The following DOCK2 variants were observed in gnomAD, a reference collection of about 807,000 sequenced individuals.
DOCK2 encodes dedicator of cytokinesis protein 2.
In DOCK2, 87 loss-of-function variants were observed where a neutral mutation model predicts 248.9. The ratio of observed to expected loss-of-function variants is 0.35; its 90% CI spans 0.29 to 0.42. The LOEUF (loss-of-function observed/expected upper bound fraction) is 0.42, where lower values mean the gene tolerates loss of function less well. Among genes scored for constraint, DOCK2 ranks in the 10% least tolerant of loss-of-function variants. DOCK2 has a pLI of 1.00. For missense variants in DOCK2, 1,747 were observed against 2,300.2 expected, an observed-to-expected ratio of 0.76 and a Z score of 4.92; for synonymous variants, 805 against 821.6, an observed-to-expected ratio of 0.98 and a Z score of 0.35.
At chr5:169,798,407 A>G (rs1766780842) in intron 25 of DOCK2, among the ~76,000 whole-genome samples, 1 of 152,316 alleles carries the variant, frequency 6.6e-6, no homozygotes, top group Non-Finnish European at 1.5e-5. Context: ...GCTTAGTTCA[A>G]TTTTAAGTGG....
chr5:169,975,176 A>G (rs1438052743), intron 27 of DOCK2, among the ~76,000 whole-genome samples: 1 of 152,206 alleles, frequency 6.6e-6, no homozygotes. Flanking sequence ...GAAGAGTGAC[A>G]ACCATCAGGA....
chr5:169,925,578 T>TAAAAAAAAAAAAAAAAAAA (rs1561828965), intron 27 of DOCK2, among the ~76,000 whole-genome samples: 1 of 32,324 alleles, frequency 3.1e-5, no homozygotes, highest in African/African-American at 1.3e-4. Context: ...AGACTCTGTC[T>TAAAAAAAAAAAAAAAAAAA]TAAAAAAAAA....
intron 27 of DOCK2, among the ~76,000 whole-genome samples, chr5:169,946,224 G>A (rs1776442338): frequency 6.6e-6 from 1 of 152,324 alleles, no homozygotes; most frequent in African/African-American, 2.4e-5. Context: ...CAGCCCTGTA[G>A]GATTATTCTG....
chr5:169,883,116 G>A (rs1407824272), intron 27 of DOCK2: 2 of 1,551,476 alleles, frequency 1.3e-6, no homozygotes, highest in African/African-American at 2.7e-5. Context: ...CAACGCTGGT[G>A]GCATTTAAGC....
At chr5:169,726,526 C>G (rs1195293425) in intron 22 of DOCK2, among the ~76,000 whole-genome samples, 1 of 152,142 alleles carries the variant, frequency 6.6e-6, no homozygotes, top group African/African-American at 2.4e-5. Context: ...TCCCATTTGT[C>G]TATTTTGGCT....
chr5:169,819,621 G>A (rs146809693), intron 26 of DOCK2, among the ~76,000 whole-genome samples: 16 of 152,124 alleles, frequency 1.1e-4, no homozygotes, highest in Admixed American at 2.6e-4. Flanking sequence ...ACCCTGTCTC[G>A]AAAAAAACAA....
At chr5:170,034,204 T>C (rs562437736) in intron 34 of DOCK2, among the ~76,000 whole-genome samples, 195 bp from the exon 35 acceptor site, 2 of 140,872 alleles carry the variant, frequency 1.4e-5, no homozygotes, top group African/African-American at 2.8e-5. Context: ...TTTATTTTTA[T>C]TTTTTCCCAT....
chr5:169,790,658 A>G (rs1303620473), intron 25 of DOCK2, among the ~76,000 whole-genome samples: 2 of 152,238 alleles, frequency 1.3e-5, no homozygotes, highest in Non-Finnish European at 2.9e-5. Flanking sequence ...AAGCTTTAAC[A>G]TGCTCTCCTT....
At chr5:169,753,455 C>A (rs934983786) in intron 23 of DOCK2, among the ~76,000 whole-genome samples, 1 of 149,392 alleles carries the variant, frequency 6.7e-6, no homozygotes, top group Non-Finnish European at 1.5e-5. Flanking sequence ...TGGTATAAAG[C>A]GGAGATAAAG....
intron 27 of DOCK2, among the ~76,000 whole-genome samples, chr5:169,878,164 A>T (rs1772437171): frequency 6.6e-6 from 1 of 152,154 alleles, no homozygotes; most frequent in Non-Finnish European, 1.5e-5. Context: ...GAAGGGAGTG[A>T]GGGAAGGAGG....
intron 27 of DOCK2, among the ~76,000 whole-genome samples, chr5:169,889,497 C>T (rs1053578326): frequency 3.3e-5 from 5 of 152,194 alleles, no homozygotes; most frequent in South Asian, 2.1e-4. Flanking sequence ...TGCTACAAAA[C>T]GTTGTACAGG....
chr5:169,820,217 C>T (rs1768342934), intron 26 of DOCK2, among the ~76,000 whole-genome samples: 1 of 152,234 alleles, frequency 6.6e-6, no homozygotes, highest in Non-Finnish European at 1.5e-5. Flanking sequence ...GAACAAAAGG[C>T]AGCAGAAACC....
chr5:169,724,161 G>A (rs1007443745), intron 22 of DOCK2, among the ~76,000 whole-genome samples: 2 of 152,284 alleles, frequency 1.3e-5, no homozygotes, highest in Non-Finnish European at 2.9e-5. Flanking sequence ...GAGGGAGGGC[G>A]ACTCTGACTG....
chr5:169,805,480 C>A (rs1219114722), intron 26 of DOCK2, among the ~76,000 whole-genome samples: 1 of 152,176 alleles, frequency 6.6e-6, no homozygotes, highest in African/African-American at 2.4e-5. Context: ...ATGCTCAGAT[C>A]CCTTTAAATG....
chr5:169,695,779 A>G, intron 9 of DOCK2, 24 bp from the exon 10 acceptor site: 1 of 1,612,382 alleles, frequency 6.2e-7, no homozygotes, highest in Non-Finnish European at 8.5e-7. Context: ...CATGATGGTC[A>G]ATTTTTTGTT....
chr5:169,844,442 G>T (rs1014093164), intron 27 of DOCK2, among the ~76,000 whole-genome samples: 3 of 152,226 alleles, frequency 2.0e-5, no homozygotes. Context: ...CAGGTTATCA[G>T]GGACACCTGC....
At chr5:169,910,550 C>T (rs560445735) in intron 27 of DOCK2, among the ~76,000 whole-genome samples, 7 of 140,780 alleles carry the variant, frequency 5.0e-5, no homozygotes. Flanking sequence ...CATCCTTTCC[C>T]TGTGTGCCCA....
At chr5:169,762,180 G>C (rs1467360463) in intron 25 of DOCK2, among the ~76,000 whole-genome samples, 1 of 152,180 alleles carries the variant, frequency 6.6e-6, no homozygotes, top group East Asian at 1.9e-4. Context: ...CAGACCCTGT[G>C]CATGGCTAAT....
chr5:170,032,730 G>C (rs1414910173), intron 34 of DOCK2, among the ~76,000 whole-genome samples: 2 of 152,184 alleles, frequency 1.3e-5, no homozygotes, highest in African/African-American at 4.8e-5. Context: ...GCTTCTCCCA[G>C]AGTGAAGATG....
Sources: gnomAD v4.1 joint callset for allele counts (sites outside exome capture counted in the v4.1 genomes callset) on GRCh38, gnomAD v4.1.1 for gene constraint, MANE v1.5 for transcripts, NCBI Gene and HGNC (gene_info 2026-07-23, HGNC 2026-07-21) for gene names.